The following MAP3K1 variants were observed in gnomAD, a reference collection of about 807,000 sequenced individuals.
MAP3K1 encodes the protein mitogen-activated protein kinase kinase kinase 1, also known as MAP/ERK kinase kinase 1.
A neutral mutation model predicts 144.2 loss-of-function variants in MAP3K1; 36 were observed. The observed-to-expected ratio is 0.25, with a 90% CI of 0.19 to 0.33. The LOEUF is 0.33. Among genes scored for constraint, MAP3K1 ranks in the 10% least tolerant of loss-of-function variants. The pLI is 1.00. For synonymous variants in MAP3K1, 718 were observed against 688.7 expected, an observed-to-expected ratio of 1.04 and a Z score of -0.67; for missense variants, 1,650 against 1,881.9, an observed-to-expected ratio of 0.88 and a Z score of 2.28.
At position 56,894,994 on chromosome 5, in the gene MAP3K1, A is replaced by C. The variant is rs186182475; in HGVS notation, c.*1314A>C. 5 of 231,778 alleles carry C rather than the reference A, an allele frequency of 2.2e-5. No homozygotes were observed. The South Asian group carries it at 9.0e-4, about 42-fold the overall frequency. 14.4% of individuals were successfully genotyped at this position (231,778 alleles called of 1,614,324 possible). ...TTTTTAATCTTTTTGTGTGTGTGTG[A>C]GTCTTTTAAATCAAGTACTGATTAA... On this transcript the variant is annotated 3_prime_UTR_variant, in exon 20 of 20. Transcript: ENST00000399503.
intron 10 of MAP3K1, among the ~76,000 whole-genome samples, chr5:56,876,289 A>G (rs1748027091): frequency 6.6e-6 from 1 of 150,662 alleles, no homozygotes; most frequent in Non-Finnish European, 1.5e-5. Context: ...CCCAGTTATG[A>G]CAACCAAGAA....
In MAP3K1 at chr5:56,893,901, T is replaced by G; in HGVS notation, c.*221T>G. 3.5e-6 allele frequency: 2 copies of G among 576,226 alleles called. No homozygotes were observed. Among genetic ancestry groups the G allele is most frequent in the Non-Finnish European group, 6.2e-6 (2 of 321,906 alleles). The allele number at this position is 576,226 out of a possible 1,614,324, so 35.7% of individuals were successfully genotyped here. ...TAGTGCAGAAACTGTAAACTGTGCC[T>G]TTCAAAGAACTGGCCCTAGGTGAAC... On this transcript the variant is annotated 3_prime_UTR_variant, in exon 20 of 20. Transcript: ENST00000399503.
chr5:56,841,709 A>G (rs1307507899), intron 1 of MAP3K1, among the ~76,000 whole-genome samples: 7 of 152,316 alleles, frequency 4.6e-5, no homozygotes, highest in African/African-American at 1.7e-4. Flanking sequence ...AATGAATTGT[A>G]TGTTCACACT....
At position 56,818,777 on chromosome 5, in the gene MAP3K1, A is replaced by T. The variant is rs535633875; in HGVS notation, c.482+2722A>T. On this transcript the variant is annotated intron_variant, in intron 1 of 19. Transcript: ENST00000399503. Reference sequence around the variant, plus strand: ...TTGTAACTTAAAAAACCAAACTATCAATTTGCTGGCCCCGTGAAAGAACAA... The same window carrying T: ...TTGTAACTTAAAAAACCAAACTATCTATTTGCTGGCCCCGTGAAAGAACAA... Among the ~76,000 whole-genome samples the T allele has an allele frequency of 2.6e-5, 4 of 152,296 alleles. No homozygotes were observed. The South Asian group carries it at 8.3e-4, about 32-fold the overall frequency.
chr5:56,832,257 G>A (rs950256653), intron 1 of MAP3K1, among the ~76,000 whole-genome samples: 15 of 152,088 alleles, frequency 9.9e-5, no homozygotes, highest in African/African-American at 2.7e-4. Flanking sequence ...TTTAGAATTC[G>A]GAAGGACAAC....
At chr5:56,890,718 C>G (rs1294289521) in intron 19 of MAP3K1, among the ~76,000 whole-genome samples, 1 of 152,020 alleles carries the variant, frequency 6.6e-6, no homozygotes, top group Admixed American at 6.6e-5. Flanking sequence ...CAAAGTGCTA[C>G]AAGATACATT....
intron 3 of MAP3K1, among the ~76,000 whole-genome samples, chr5:56,861,428 C>T (rs1747503868): frequency 6.6e-6 from 1 of 151,844 alleles, no homozygotes; most frequent in African/African-American, 2.4e-5. Context: ...AAAAATTAGC[C>T]AGGCGTGGTG....
At chr5:56,860,517 C>A (rs1205298986) in intron 3 of MAP3K1, among the ~76,000 whole-genome samples, 1 of 152,140 alleles carries the variant, frequency 6.6e-6, no homozygotes, top group Non-Finnish European at 1.5e-5. Context: ...ATTTGGAAGA[C>A]ATTTTTCTTA....
chr5:56,880,648 T>G, intron 11 of MAP3K1, 63 bp from the exon 12 acceptor site: 2 of 1,083,856 alleles, frequency 1.8e-6, no homozygotes, highest in Non-Finnish European at 2.9e-6. Context: ...ACATTACTCC[T>G]CTAATATTGT....
chr5:56,836,461 C>T (rs1746658541), intron 1 of MAP3K1, among the ~76,000 whole-genome samples: 1 of 152,090 alleles, frequency 6.6e-6, no homozygotes, highest in Non-Finnish European at 1.5e-5. Flanking sequence ...AATTTCGGAC[C>T]TATTTAGAAA....
chr5:56,844,172 T>C (rs902654100), intron 1 of MAP3K1, among the ~76,000 whole-genome samples: 1 of 147,708 alleles, frequency 6.8e-6, no homozygotes, highest in African/African-American at 2.5e-5. Context: ...ATTATAGGAT[T>C]GTTTTTTTTG....
chr5:56,852,436 C>G (rs1270059151), intron 1 of MAP3K1, among the ~76,000 whole-genome samples: 1 of 152,132 alleles, frequency 6.6e-6, no homozygotes, highest in Non-Finnish European at 1.5e-5. Context: ...AACCTAACCT[C>G]AGGGAGTAAG....
At chr5:56,860,149 G>T (rs1365342784) in intron 3 of MAP3K1, among the ~76,000 whole-genome samples, 1 of 152,146 alleles carries the variant, frequency 6.6e-6, no homozygotes, top group Admixed American at 6.5e-5. Flanking sequence ...GATATTTGCA[G>T]TGGTGGGTAA....
intron 10 of MAP3K1, among the ~76,000 whole-genome samples, chr5:56,877,622 TC>T (rs769619541): frequency 2.0e-5 from 3 of 152,066 alleles, no homozygotes; most frequent in Non-Finnish European, 4.4e-5. Context: ...CATTTATTCT[TC>T]CATATACAGT....
At chr5:56,835,744 GAA>G (rs1245571976) in intron 1 of MAP3K1, among the ~76,000 whole-genome samples, 1 of 151,944 alleles carries the variant, frequency 6.6e-6, no homozygotes, top group Non-Finnish European at 1.5e-5. Context: ...TTTACAAGCT[GAA>G]GAGATGGCAC....
chr5:56,864,378 CTT>C (rs11331657), intron 3 of MAP3K1, among the ~76,000 whole-genome samples: 2,949 of 117,232 alleles, frequency 0.025, 35 homozygotes, highest in African/African-American at 0.035. Flanking sequence ...ATAATAGTTT[CTT>C]TTTTTTTTTT....
At chr5:56,888,046 T>C (rs1193239441) in intron 18 of MAP3K1, 180 bp from the exon 19 acceptor site, 3 of 626,620 alleles carry the variant, frequency 4.8e-6, no homozygotes, top group Non-Finnish European at 8.3e-6. Flanking sequence ...CTCCAAAATA[T>C]TTTTGTGCTA....
chr5:56,887,570 G>A (rs748386193), intron 18 of MAP3K1, 50 bp downstream of exon 18: 3 of 1,590,604 alleles, frequency 1.9e-6, no homozygotes, highest in Non-Finnish European at 2.6e-6. Flanking sequence ...GGAATTCTGT[G>A]TAACAGCATT....
intron 1 of MAP3K1, among the ~76,000 whole-genome samples, chr5:56,835,975 T>G (rs1469500177): frequency 6.6e-6 from 1 of 152,184 alleles, no homozygotes; most frequent in East Asian, 1.9e-4. Flanking sequence ...AAACATTCAC[T>G]CATCAAATTT....
Sources: allele counts gnomAD v4.1 joint callset (sites outside exome capture counted in the v4.1 genomes callset), GRCh38; gene constraint gnomAD v4.1.1; transcripts MANE v1.5; gene names NCBI Gene and HGNC (gene_info 2026-07-23, HGNC 2026-07-21).